H2BC15: variants seen among roughly 807,000 people sequenced by gnomAD.
H2BC15 encodes the protein H2B clustered histone 15.
Under a neutral mutation model 6.6 loss-of-function variants are expected in H2BC15, and 5 were observed. The observed-to-expected ratio is 0.75, with a 90% CI of 0.39 to 1.59. The LOEUF (loss-of-function observed/expected upper bound fraction) is 1.59, where lower values mean the gene tolerates loss of function less well. H2BC15 is among the 40% of genes most tolerant of loss of function. The pLI, the probability that H2BC15 is intolerant of heterozygous loss-of-function variation, is 0.02. For synonymous variants in H2BC15, 87 were observed against 75.2 expected, an observed-to-expected ratio of 1.16 and a Z score of -0.81; for missense variants, 148 against 169.4, an observed-to-expected ratio of 0.87 and a Z score of 0.70.
Position 27,839,066 on chromosome 6 carries a change from G to T in H2BC15, c.*24G>T. 6.2e-7 allele frequency: 1 copy of T among 1,612,242 alleles called. No homozygotes were observed. Among genetic ancestry groups the T allele is most frequent in the African/African-American group, 1.3e-5 (1 of 75,050 alleles). On this transcript the variant is annotated 3_prime_UTR_variant, in exon 1 of 1. Transcript: ENST00000612898. ...GAGCCCGCCCACCGCGGAACGTTCG[G>T]TCAGTCTCGGCCCACACCCCAAAGG...
Position 27,838,835 on chromosome 6 carries a change from G to C in H2BC15, c.174G>C (p.Lys58Asn), listed in dbSNP as rs755759469. 2.5e-6 allele frequency: 4 copies of C among 1,614,138 alleles called. No individual in the cohort carries two copies. The highest frequency in any genetic ancestry group is 3.4e-6 in the Non-Finnish European group (4 of 1,180,056). ...QVHPDTGISS[K>N]AMGIMNSFVN... ...ACCCCGACACCGGTATCTCGTCCAA[G>C]GCCATGGGCATCATGAACTCCTTCG... Residue 58 changes from lysine (K) to asparagine (N), a missense_variant, in exon 1 of 1, where the codon AAG becomes AAC. Lys to Asn is a moderately conservative substitution (Grantham distance 94). Transcript: ENST00000612898.
chr6:27,839,047 G>C lies in H2BC15; in HGVS notation c.*5G>C. The C allele has an allele frequency of 6.2e-7, 1 of 1,613,398 alleles. No individual in the cohort carries two copies. Among genetic ancestry groups the C allele is most frequent in the Non-Finnish European group, 8.5e-7 (1 of 1,179,530 alleles). On this transcript the variant is annotated 3_prime_UTR_variant, in exon 1 of 1. Transcript: ENST00000612898. ...AAGTACACCAGTTCCAAGTGAGCCC[G>C]CCCACCGCGGAACGTTCGGTCAGTC...
Position 27,839,060 on chromosome 6 carries a change from C to T in H2BC15, c.*18C>T. On this transcript the variant is annotated 3_prime_UTR_variant, in exon 1 of 1. Coordinates refer to ENST00000612898, the MANE Select transcript of H2BC15 (RefSeq NM_003520.4). The stretch of plus-strand genomic sequence containing the variant: ...CCAAGTGAGCCCGCCCACCGCGGAA[C>T]GTTCGGTCAGTCTCGGCCCACACCC... 6.2e-7 allele frequency: 1 copy of T among 1,612,942 alleles called. No homozygotes were observed. The highest frequency in any genetic ancestry group is 8.5e-7 in the Non-Finnish European group (1 of 1,179,254).
At position 27,838,892 on chromosome 6, in the gene H2BC15, G is replaced by C. The variant is rs776673491; in HGVS notation, c.231G>C (p.Glu77Asp). Residue 77 changes from glutamate to aspartate, a missense_variant, in exon 1 of 1, where the codon GAG becomes GAC. Physicochemically the swap from Glu to Asp is conservative, Grantham distance 45. Transcript: ENST00000612898. ...ACATCTTCGAGCGCATCGCCGGCGA[G>C]GCTTCCCGCCTGGCGCATTACAACA... ...VNDIFERIAGEASRLAHYNKR... is the reference protein window; with the variant it reads ...VNDIFERIAGDASRLAHYNKR... 1 of 1,614,284 alleles carries C rather than the reference G, an allele frequency of 6.2e-7. No homozygotes were observed. The highest frequency in any genetic ancestry group is 8.5e-7 in the Non-Finnish European group (1 of 1,180,056).
Position 27,838,783 on chromosome 6 carries a change from ACGTGTACAAGGTGCTGAAG to A in H2BC15, c.124_142del (p.Val42ArgfsTer16). On this transcript the variant is annotated frameshift_variant, in exon 1 of 1. Transcript: ENST00000612898. LOFTEE classifies it high-confidence loss of function. ...AGCCGCAAGGAGAGCTACTCCGTGT[ACGTGTACAAGGTGCTGAAG>A]CAGGTCCACCCCGACACCGGTATCT... The A allele has an allele frequency of 1.2e-6, 2 of 1,614,274 alleles. No homozygotes were observed. The highest frequency in any genetic ancestry group is 1.7e-6 in the Non-Finnish European group (2 of 1,180,046).
rs1436678605 is a variant in H2BC15, at chr6:27,838,685, T to C, written c.24T>C (p.Ala8=). 6.2e-7 allele frequency: 1 copy of C among 1,614,022 alleles called. No individual in the cohort carries two copies. The highest frequency in any genetic ancestry group is 8.5e-7 in the Non-Finnish European group (1 of 1,179,996). Reference sequence around the variant, plus strand: ...TCATGCCCGAGCCCTCAAAGTCCGCTCCTGCCCCGAAGAAAGGCTCCAAGA... The same window carrying C: ...TCATGCCCGAGCCCTCAAAGTCCGCCCCTGCCCCGAAGAAAGGCTCCAAGA... MPEPSKS[A]PAPKKGSKKA... is the part of the protein sequence containing the mutation. The change falls in exon 1 of 1, where the codon GCT becomes GCC. Residue 8 remains alanine, a synonymous_variant. Coordinates refer to ENST00000612898, the MANE Select transcript of H2BC15 (RefSeq NM_003520.4).
Position 27,838,587 on chromosome 6 carries a change from T to C in H2BC15, c.-75T>C. The C allele has an allele frequency of 1.9e-6, 3 of 1,576,432 alleles. No homozygotes were observed. Among genetic ancestry groups the C allele is most frequent in the South Asian group, 1.2e-5 (1 of 85,056 alleles). ...CTACCCCACTTGCGTTAAGAAGCAG[T>C]GAATAAGCGGTAGGTTGACAGAGCT... is the stretch of plus-strand genomic sequence containing the variant. On this transcript the variant is annotated 5_prime_UTR_variant, in exon 1 of 1. Coordinates refer to ENST00000612898, the MANE Select transcript of H2BC15 (RefSeq NM_003520.4).
rs1581473289 is a variant in H2BC15, at chr6:27,838,901, C to T, written c.240C>T (p.Arg80=). 1 of 1,614,260 alleles carries T rather than the reference C, an allele frequency of 6.2e-7. No homozygotes were observed. The highest frequency in any genetic ancestry group is 8.5e-7 in the Non-Finnish European group (1 of 1,180,044). ...IFERIAGEAS[R]LAHYNKRSTI... ...AGCGCATCGCCGGCGAGGCTTCCCG[C>T]CTGGCGCATTACAACAAGCGCTCGA... The change falls in exon 1 of 1, where the codon CGC becomes CGT. Residue 80 remains arginine, a synonymous_variant. Coordinates refer to ENST00000612898, the MANE Select transcript of H2BC15 (RefSeq NM_003520.4).
rs201101947 is a variant in H2BC15 at position 27,838,638 on chromosome 6, A to G, written c.-24A>G. 377 of 1,606,694 alleles carry G rather than the reference A, an allele frequency of 2.3e-4. 1 individual carries two copies. In the African/African-American group the frequency reaches 4.3e-3, roughly 18 times the overall value. ...ACCGTCTTCCTGTTTTTTTCCTCCA[A>G]TTTTCCGGCAGTTACTCCCAGTCAT... On this transcript the variant is annotated 5_prime_UTR_variant, in exon 1 of 1. Transcript: ENST00000612898.
In H2BC15 at chr6:27,838,747, A is replaced by G; in HGVS notation, c.86A>G (p.Lys29Arg). The G allele has an allele frequency of 6.2e-7, 1 of 1,614,268 alleles. No individual in the cohort carries two copies. Among genetic ancestry groups the G allele is most frequent in the Non-Finnish European group, 8.5e-7 (1 of 1,180,046 alleles). ...AAGGCCCAGAAGAAGGACGGCAAGAAGCGCAAGCGCAGCCGCAAGGAGAGC... is the reference window on the plus strand; with the variant it reads ...AAGGCCCAGAAGAAGGACGGCAAGAGGCGCAAGCGCAGCCGCAAGGAGAGC... ...VTKAQKKDGK[K>R]RKRSRKESYS... The change falls in exon 1 of 1, where the codon AAG (lysine) becomes AGG (arginine). Residue 29 changes from lysine to arginine, a missense_variant. Physicochemically the swap from Lys to Arg is conservative, Grantham distance 26. This residue lies in a region of H2BC15 where 90 missense variants were observed against 74.7 expected (regional missense o/e 1.20). Coordinates refer to ENST00000612898, the MANE Select transcript of H2BC15 (RefSeq NM_003520.4).
rs776712511 is a variant in H2BC15, at chr6:27,838,733, G to A, written c.72G>A (p.Lys24=). ...GSKKAVTKAQ[K]KDGKKRKRSR... ...AGAAGGCAGTGACAAAGGCCCAGAAGAAGGACGGCAAGAAGCGCAAGCGCA... is the reference window on the plus strand; with the variant it reads ...AGAAGGCAGTGACAAAGGCCCAGAAAAAGGACGGCAAGAAGCGCAAGCGCA... The change falls in exon 1 of 1, where the codon AAG becomes AAA. Residue 24 remains lysine (K), a synonymous_variant. Coordinates refer to ENST00000612898, the MANE Select transcript of H2BC15 (RefSeq NM_003520.4). 7.4e-6 allele frequency: 12 copies of A among 1,614,222 alleles called. No individual in the cohort carries two copies. Among genetic ancestry groups the A allele is most frequent in the Non-Finnish European group, 1.0e-5 (12 of 1,180,038 alleles).
rs201769545 is a variant in H2BC15, at chr6:27,838,778, C to A, written c.117C>A (p.Ser39=). The A allele has an allele frequency of 1.2e-6, 2 of 1,614,252 alleles. No homozygotes were observed. Among genetic ancestry groups the A allele is most frequent in the Non-Finnish European group, 1.7e-6 (2 of 1,180,040 alleles). ...AGCGCAGCCGCAAGGAGAGCTACTC[C>A]GTGTACGTGTACAAGGTGCTGAAGC... ...KRKRSRKESY[S]VYVYKVLKQV... is the part of the protein sequence containing the mutation. The change falls in exon 1 of 1, where the codon TCC becomes TCA. Residue 39 remains serine (S), a synonymous_variant. Transcript: ENST00000612898.
At position 27,838,770 on chromosome 6, in the gene H2BC15, A is replaced by T; in HGVS notation, c.109A>T (p.Ser37Cys). The stretch of plus-strand genomic sequence containing the variant: ...GAAGCGCAAGCGCAGCCGCAAGGAG[A>T]GCTACTCCGTGTACGTGTACAAGGT... Reference protein sequence around the residue: ...GKKRKRSRKESYSVYVYKVLK... With the variant: ...GKKRKRSRKECYSVYVYKVLK... The change falls in exon 1 of 1, where the codon AGC becomes TGC. Residue 37 changes from serine (S) to cysteine (C), a missense_variant. Ser to Cys is a moderately radical substitution (Grantham distance 112). Coordinates refer to ENST00000612898, the MANE Select transcript of H2BC15 (RefSeq NM_003520.4). The T allele has an allele frequency of 6.2e-7, 1 of 1,614,222 alleles. No individual in the cohort carries two copies. Among genetic ancestry groups the T allele is most frequent in the Non-Finnish European group, 8.5e-7 (1 of 1,180,026 alleles).
chr6:27,838,739 C>A lies in H2BC15; in HGVS notation c.78C>A (p.Asp26Glu). The A allele has an allele frequency of 6.2e-7, 1 of 1,614,220 alleles. No individual in the cohort carries two copies. Among genetic ancestry groups the A allele is most frequent in the Non-Finnish European group, 8.5e-7 (1 of 1,180,034 alleles). The change falls in exon 1 of 1, where the codon GAC becomes GAA. Residue 26 changes from aspartate to glutamate, a missense_variant. By Grantham distance (45) the Asp-to-Glu change is conservative. Coordinates refer to ENST00000612898, the MANE Select transcript of H2BC15 (RefSeq NM_003520.4). ...CAGTGACAAAGGCCCAGAAGAAGGA[C>A]GGCAAGAAGCGCAAGCGCAGCCGCA... ...KKAVTKAQKK[D>E]GKKRKRSRKE... is the part of the protein sequence containing the mutation.
Position 27,838,705 on chromosome 6 carries a change from C to T in H2BC15, c.44C>T (p.Ser15Phe), listed in dbSNP as rs1461029048. The change falls in exon 1 of 1, where the codon TCC (serine) becomes TTC (phenylalanine). Residue 15 changes from serine to phenylalanine, a missense_variant. Ser to Phe is a radical substitution (Grantham distance 155). Around this residue, in one of 2 missense-constraint regions of H2BC15, gnomAD observed 90 missense variants for 74.7 expected, o/e 1.20. Coordinates refer to ENST00000612898, the MANE Select transcript of H2BC15 (RefSeq NM_003520.4). ...SKSAPAPKKG[S>F]KKAVTKAQKK... ...TCCGCTCCTGCCCCGAAGAAAGGCT[C>T]CAAGAAGGCAGTGACAAAGGCCCAG... The T allele has an allele frequency of 5.0e-6, 8 of 1,614,084 alleles. No individual in the cohort carries two copies. Among genetic ancestry groups the T allele is most frequent in the Non-Finnish European group, 5.9e-6 (7 of 1,180,046 alleles).
chr6:27,838,666 C>T lies in H2BC15; in HGVS notation c.5C>T (p.Pro2Leu), dbSNP rs1761086501. Reference protein sequence around the residue: MPEPSKSAPAPK... With the variant: MLEPSKSAPAPK... ...TTCCGGCAGTTACTCCCAGTCATGC[C>T]CGAGCCCTCAAAGTCCGCTCCTGCC... Residue 2 changes from proline (P) to leucine (L), a missense_variant, in exon 1 of 1, where the codon CCC (proline) becomes CTC (leucine). Pro to Leu is a moderately conservative substitution (Grantham distance 98). Around this residue, in one of 2 missense-constraint regions of H2BC15, gnomAD observed 90 missense variants for 74.7 expected, o/e 1.20. Transcript: ENST00000612898. 1 of 1,613,840 alleles carries T rather than the reference C, an allele frequency of 6.2e-7. No individual in the cohort carries two copies. The highest frequency in any genetic ancestry group is 1.3e-5 in the African/African-American group (1 of 74,872).
Position 27,838,925 on chromosome 6 carries a change from G to C in H2BC15, c.264G>C (p.Ser88=). The C allele has an allele frequency of 6.2e-7, 1 of 1,614,250 alleles. No homozygotes were observed. The highest frequency in any genetic ancestry group is 1.7e-4 in the Middle Eastern group (1 of 6,060). Residue 88 remains serine (S), a synonymous_variant, in exon 1 of 1, where the codon TCG becomes TCC. Transcript: ENST00000612898. ...GCCTGGCGCATTACAACAAGCGCTC[G>C]ACCATCACCTCCAGGGAGATCCAGA... is the stretch of plus-strand genomic sequence containing the variant. ...ASRLAHYNKR[S]TITSREIQTA... is the part of the protein sequence containing the mutation.
chr6:27,838,576 T>A lies in H2BC15; in HGVS notation c.-86T>A. 6.4e-7 allele frequency: 1 copy of A among 1,561,498 alleles called. No homozygotes were observed. Among genetic ancestry groups the A allele is most frequent in the East Asian group, 2.2e-5 (1 of 44,542 alleles). ...AACTTCATTCTCTACCCCACTTGCG[T>A]TAAGAAGCAGTGAATAAGCGGTAGG... On this transcript the variant is annotated 5_prime_UTR_variant, in exon 1 of 1. Coordinates refer to ENST00000612898, the MANE Select transcript of H2BC15 (RefSeq NM_003520.4).
Position 27,838,791 on chromosome 6 carries a change from A to C in H2BC15, c.130A>C (p.Lys44Gln). Residue 44 changes from lysine to glutamine, a missense_variant, in exon 1 of 1, where the codon AAG (lysine) becomes CAG (glutamine). By Grantham distance (53) the Lys-to-Gln change is moderately conservative. Transcript: ENST00000612898. Reference protein sequence around the residue: ...RKESYSVYVYKVLKQVHPDTG... With the variant: ...RKESYSVYVYQVLKQVHPDTG... Reference sequence around the variant, plus strand: ...GGAGAGCTACTCCGTGTACGTGTACAAGGTGCTGAAGCAGGTCCACCCCGA... The same window carrying C: ...GGAGAGCTACTCCGTGTACGTGTACCAGGTGCTGAAGCAGGTCCACCCCGA... 6.2e-7 allele frequency: 1 copy of C among 1,614,272 alleles called. No homozygotes were observed. The highest frequency in any genetic ancestry group is 2.2e-5 in the East Asian group (1 of 44,884).
Sources: allele counts gnomAD v4.1 joint callset, GRCh38; gene constraint gnomAD v4.1.1; regional missense constraint gnomAD v4.1.1; transcripts MANE v1.5; gene names NCBI Gene and HGNC (gene_info 2026-07-23, HGNC 2026-07-21).